Variants in NTM observed in about 807,000 individuals in gnomAD.
NTM encodes neurotrimin, also known as IgLON family member 2.
A neutral mutation model predicts 42.1 loss-of-function variants in NTM; 13 were observed. That is an observed-to-expected ratio of 0.31 (90% CI 0.20 to 0.49). The LOEUF is 0.49. Ranked by LOEUF, NTM falls within the 20% of genes least tolerant of loss-of-function variation. The pLI is 0.99. For synonymous variants in NTM, 187 were observed against 179.2 expected, an observed-to-expected ratio of 1.04 and a Z score of -0.35; for missense variants, 373 against 452.8, an observed-to-expected ratio of 0.82 and a Z score of 1.60.
At chr11:131,512,044 G>C (rs775642108) in intron 1 of NTM, among the ~76,000 whole-genome samples, 16 of 152,080 alleles carry the variant, frequency 1.1e-4, no homozygotes, top group Non-Finnish European at 2.1e-4. Flanking sequence ...ACAGCACAGG[G>C]TCTAGACAGG....
chr11:131,895,666 T>A (rs1212679287), intron 1 of NTM, among the ~76,000 whole-genome samples: 1 of 152,070 alleles, frequency 6.6e-6, no homozygotes, highest in African/African-American at 2.4e-5. Context: ...TATTTCACAT[T>A]ATATATGTGA....
chr11:132,071,649 T>C (rs2057688748), intron 2 of NTM, among the ~76,000 whole-genome samples: 3 of 152,172 alleles, frequency 2.0e-5, no homozygotes, highest in Non-Finnish European at 4.4e-5. Context: ...AAATGAGATC[T>C]CCTCAGCTGG....
At position 131,879,828 on chromosome 11, in the gene NTM, T is replaced by C. The variant is rs76791450; in HGVS notation, c.83-31736T>C. Among the ~76,000 whole-genome samples the C allele has an allele frequency of 6.0e-4, 92 of 152,300 alleles. 3 individuals are homozygous for C. In the East Asian group the frequency reaches 0.016, roughly 26 times the overall value. ...ATTCCTTTCCTCTTCCTAGATTCCA[T>C]ATATAGTCTTCTTTATGTTTCAATG... On this transcript the variant is annotated intron_variant, in intron 1 of 8. Coordinates refer to ENST00000683400, the MANE Select transcript of NTM (RefSeq NM_001352005.2).
At chr11:132,066,247 G>A (rs1211118729) in intron 2 of NTM, among the ~76,000 whole-genome samples, 1 of 152,124 alleles carries the variant, frequency 6.6e-6, no homozygotes, top group African/African-American at 2.4e-5. Flanking sequence ...TCTTCCAAAT[G>A]CTCTGCTCTC....
intron 1 of NTM, among the ~76,000 whole-genome samples, chr11:131,670,899 A>C (rs1243569598): frequency 1.3e-5 from 2 of 152,106 alleles, no homozygotes; most frequent in Admixed American, 6.5e-5. Context: ...GTATTCACTC[A>C]GTAGATGCTA....
At chr11:131,642,585 G>C (rs1279759215) in intron 1 of NTM, among the ~76,000 whole-genome samples, 1 of 152,112 alleles carries the variant, frequency 6.6e-6, no homozygotes, top group Non-Finnish European at 1.5e-5. Context: ...CACGTTCCCT[G>C]GAGTTTTGCT....
At chr11:131,769,165 C>T (rs1033037375) in intron 1 of NTM, among the ~76,000 whole-genome samples, 1 of 152,226 alleles carries the variant, frequency 6.6e-6, no homozygotes, top group Non-Finnish European at 1.5e-5. Flanking sequence ...TGCCCCTGCA[C>T]TTACCTCACA....
chr11:132,107,694 G>A (rs189013627), intron 2 of NTM, among the ~76,000 whole-genome samples: 51 of 152,014 alleles, frequency 3.4e-4, no homozygotes, highest in Non-Finnish European at 5.1e-4. Flanking sequence ...ATGAGTTAAC[G>A]GCAGCTTACT....
At chr11:132,082,622 G>A (rs1027288221) in intron 2 of NTM, among the ~76,000 whole-genome samples, 5 of 152,126 alleles carry the variant, frequency 3.3e-5, no homozygotes, top group African/African-American at 1.2e-4. Flanking sequence ...CTAGGCATTT[G>A]GCTGTCTCCT....
At position 131,949,441 on chromosome 11, in the gene NTM, G is replaced by C. The variant is rs556698845; in HGVS notation, c.167+37793G>C. Among the ~76,000 whole-genome samples, 9 of 152,318 alleles carry C rather than the reference G, an allele frequency of 5.9e-5. No individual in the cohort carries two copies. In the South Asian group the frequency reaches 1.9e-3, roughly 32 times the overall value. ...TCCTGTGTCTTCAGAATCTAGAACA[G>C]CACACTGACCTAGACTCTAATCCCA... On this transcript the variant is annotated intron_variant, in intron 2 of 8. Transcript: ENST00000683400.
chr11:132,138,052 C>A (rs543697490), intron 2 of NTM, among the ~76,000 whole-genome samples: 1 of 152,308 alleles, frequency 6.6e-6, no homozygotes, highest in South Asian at 2.1e-4. Context: ...CCTCCTACTG[C>A]TGGACATGCT....
chr11:132,228,389 G>C (rs1360234846), intron 4 of NTM, among the ~76,000 whole-genome samples: 1 of 152,150 alleles, frequency 6.6e-6, no homozygotes, highest in East Asian at 1.9e-4. Flanking sequence ...AAACGTACCT[G>C]CCGCCATACC....
intron 7 of NTM, among the ~76,000 whole-genome samples, chr11:132,321,026 A>G (rs1278036455): frequency 1.3e-5 from 2 of 151,468 alleles, no homozygotes; most frequent in South Asian, 4.2e-4. Flanking sequence ...ACCCATCTGT[A>G]CATCACCATC....
chr11:131,749,973 G>T (rs1453700789), intron 1 of NTM, among the ~76,000 whole-genome samples: 1 of 152,114 alleles, frequency 6.6e-6, no homozygotes, highest in Non-Finnish European at 1.5e-5. Context: ...TCTCGCATTG[G>T]GCAGAGTTCC....
At chr11:131,746,664 T>A (rs997666262) in intron 1 of NTM, among the ~76,000 whole-genome samples, 4 of 152,208 alleles carry the variant, frequency 2.6e-5, no homozygotes, top group African/African-American at 9.6e-5. Context: ...AATAAGCCTA[T>A]GCATTTAAAT....
At chr11:131,406,209 T>A (rs1591580029) in intron 1 of NTM, among the ~76,000 whole-genome samples, 1 of 152,194 alleles carries the variant, frequency 6.6e-6, no homozygotes, top group East Asian at 1.9e-4. Context: ...ATGTCAGAGT[T>A]AAAAAGGGAA....
intron 7 of NTM, among the ~76,000 whole-genome samples, chr11:132,326,218 G>A (rs1299756434): frequency 1.3e-5 from 2 of 152,136 alleles, no homozygotes; most frequent in Non-Finnish European, 2.9e-5. Flanking sequence ...TATCAGGGAA[G>A]TGAGAGAGCC....
chr11:132,064,982 G>A (rs2081227402), intron 2 of NTM, among the ~76,000 whole-genome samples: 1 of 152,200 alleles, frequency 6.6e-6, no homozygotes, highest in South Asian at 2.1e-4. Context: ...AAGGATGTGT[G>A]TGTATGTTAA....
chr11:131,497,600 G>T (rs1955487709), intron 1 of NTM, among the ~76,000 whole-genome samples: 1 of 152,216 alleles, frequency 6.6e-6, no homozygotes, highest in South Asian at 2.1e-4. Context: ...GCTTTGACCA[G>T]AGTGTAGGAT....
Sources: gnomAD v4.1 joint callset for allele counts (sites outside exome capture counted in the v4.1 genomes callset) on GRCh38, gnomAD v4.1.1 for gene constraint, MANE v1.5 for transcripts, NCBI Gene and HGNC (gene_info 2026-07-23, HGNC 2026-07-21) for gene names.